The following NFIC variants were observed in gnomAD, a reference collection of about 807,000 sequenced individuals.
The protein encoded by NFIC is nuclear factor I C.
Under a neutral mutation model 54.4 loss-of-function variants are expected in NFIC, and 12 were observed. The ratio of observed to expected loss-of-function variants is 0.22; its 90% CI spans 0.14 to 0.36. The LOEUF (loss-of-function observed/expected upper bound fraction) is 0.36. Among genes scored for constraint, NFIC ranks in the 10% least tolerant of loss-of-function variants. The probability of loss-of-function intolerance (pLI) is 1.00; values close to 1 mark genes in which losing one functional copy is unlikely to be tolerated. For missense variants in NFIC, 575 were observed against 718.2 expected (o/e 0.80, Z 2.28); for synonymous variants, 322 against 319.2 (o/e 1.01, Z -0.09).
At chr19:3,408,934 G>A (rs952677498) in intron 2 of NFIC, among the ~76,000 whole-genome samples, 3 of 152,140 alleles carry the variant, frequency 2.0e-5, no homozygotes, top group Non-Finnish European at 4.4e-5. Context: ...GTCTTGCTAT[G>A]TGGTCCAGGC....
At chr19:3,447,112 A>G (rs1226548446) in intron 6 of NFIC, among the ~76,000 whole-genome samples, 1 of 152,122 alleles carries the variant, frequency 6.6e-6, no homozygotes, top group African/African-American at 2.4e-5. Flanking sequence ...CAGCCTGGCC[A>G]ACATGGTGAA....
chr19:3,393,018 G>T (rs1408502209), intron 2 of NFIC, among the ~76,000 whole-genome samples: 1 of 152,138 alleles, frequency 6.6e-6, no homozygotes. Flanking sequence ...TCGGCTCGCT[G>T]CAACCTCCGC....
chr19:3,455,830 C>G (rs192191464), intron 9 of NFIC, among the ~76,000 whole-genome samples: 1 of 152,286 alleles, frequency 6.6e-6, no homozygotes, highest in East Asian at 1.9e-4. Flanking sequence ...TTAATAAATG[C>G]AGGATAGGCA....
Position 3,463,515 on chromosome 19 carries a change from A to G in NFIC, c.*746A>G. 3.1e-6 allele frequency: 3 copies of G among 981,878 alleles called. No homozygotes were observed. The highest frequency in any genetic ancestry group is 3.6e-6 in the Non-Finnish European group (3 of 828,938). 60.8% of individuals were successfully genotyped at this position (981,878 alleles called of 1,614,324 possible). Reference sequence around the variant, plus strand: ...GCCCTGCCTGCCGCGGGGCCTCCCCACAAGCCCCTCCCAAAGCGCCGGCCG... The same window carrying G: ...GCCCTGCCTGCCGCGGGGCCTCCCCGCAAGCCCCTCCCAAAGCGCCGGCCG... On this transcript the variant is annotated 3_prime_UTR_variant, in exon 11 of 11. Coordinates refer to ENST00000443272, the MANE Select transcript of NFIC (RefSeq NM_001245002.2).
intron 3 of NFIC, among the ~76,000 whole-genome samples, chr19:3,433,223 C>CCACAGTGCTGGGAT (rs2082148874): frequency 6.6e-6 from 1 of 152,242 alleles, no homozygotes; most frequent in African/African-American, 2.4e-5. Context: ...CCTCGGCCTC[C>CCACAGTGCTGGGAT]CACAGTGCTG....
Position 3,463,286 on chromosome 19 carries a change from G to A in NFIC, c.*517G>A. ...CCTCTCCCCGGGCCCCCGCGCCTCT[G>A]CCGGACACGGACCGGCCCCTCAGCC... On this transcript the variant is annotated 3_prime_UTR_variant, in exon 11 of 11. Transcript: ENST00000443272. 1 of 989,454 alleles carries A rather than the reference G, an allele frequency of 1.0e-6. No homozygotes were observed. Among genetic ancestry groups the A allele is most frequent in the Non-Finnish European group, 1.2e-6 (1 of 833,016 alleles). 61.3% of individuals were successfully genotyped at this position (989,454 alleles called of 1,614,324 possible). A position where few individuals can be genotyped will look rare whatever the true frequency, so the allele number is the denominator to read the frequency against.
chr19:3,373,320 T>A (rs2081053770), intron 1 of NFIC, among the ~76,000 whole-genome samples: 1 of 152,212 alleles, frequency 6.6e-6, no homozygotes, highest in Non-Finnish European at 1.5e-5. Flanking sequence ...GCTGACTCAC[T>A]GCCTTGGCAG....
chr19:3,364,693 A>T (rs1395649605), upstream of NFIC, among the ~76,000 whole-genome samples: 1 of 152,124 alleles, frequency 6.6e-6, no homozygotes, highest in Non-Finnish European at 1.5e-5. Flanking sequence ...TGCTCTCTAA[A>T]CTTCACCTTC....
At chr19:3,401,683 C>T (rs1211991426) in intron 2 of NFIC, among the ~76,000 whole-genome samples, 3 of 151,988 alleles carry the variant, frequency 2.0e-5, no homozygotes, top group Non-Finnish European at 4.4e-5. Context: ...GGTCCCAGCC[C>T]TAACCCAGGT....
chr19:3,360,036 C>T (rs1003764489), intron 1 of NFIC, among the ~76,000 whole-genome samples: 4 of 149,148 alleles, frequency 2.7e-5, no homozygotes, highest in African/African-American at 4.9e-5. Flanking sequence ...GGCGGGAGGG[C>T]GCGGCCCTGG....
rs767715982 is a variant in NFIC, at chr19:3,435,227, C to T, written c.958+20C>T. ...AAGGAGGTAGGGCTGGTGGCGGGGG[C>T]GGAGCCGGCCTTCCGGTCTGAGTCA... On this transcript the variant is annotated intron_variant, in intron 6 of 10. Transcript: ENST00000443272. 19 of 1,551,952 alleles carry T rather than the reference C, an allele frequency of 1.2e-5. No individual in the cohort carries two copies. The highest frequency in any genetic ancestry group is 1.3e-5 in the Non-Finnish European group (15 of 1,142,222).
At position 3,464,222 on chromosome 19, in the gene NFIC, C is replaced by T. The variant is rs2082684847; in HGVS notation, c.*1453C>T. The T allele has an allele frequency of 1.0e-6, 1 of 985,104 alleles. No individual in the cohort carries two copies. The highest frequency in any genetic ancestry group is 1.2e-6 in the Non-Finnish European group (1 of 829,928). 61.0% of individuals were successfully genotyped at this position (985,104 alleles called of 1,614,324 possible). ...CGGGACGTGCATCACGGCTGGGCCCCCAGAGGAGAGAGGAGGCCGACGCCA... is the reference window on the plus strand; with the variant it reads ...CGGGACGTGCATCACGGCTGGGCCCTCAGAGGAGAGAGGAGGCCGACGCCA... On this transcript the variant is annotated 3_prime_UTR_variant, in exon 11 of 11. Transcript: ENST00000443272.
chr19:3,360,290 C>T (rs1022273850), intron 1 of NFIC, among the ~76,000 whole-genome samples: 6 of 146,264 alleles, frequency 4.1e-5, no homozygotes, highest in Non-Finnish European at 7.6e-5. Flanking sequence ...CGCGCAGGAG[C>T]AGCCGCCCCG....
At chr19:3,428,829 A>AGG (rs1460658254) in intron 3 of NFIC, among the ~76,000 whole-genome samples, 1 of 151,256 alleles carries the variant, frequency 6.6e-6, no homozygotes, top group Admixed American at 6.6e-5. Flanking sequence ...GGGGAGGCGG[A>AGG]GGGGGCGTGC....
In NFIC at chr19:3,459,226, C is replaced by T. The variant is rs138947864; in HGVS notation, c.1509+2591C>T. Reference sequence around the variant, plus strand: ...CCTTTCCCTCTGCCTCTCCGGCTCCCGACACCCCCCAGTCCATGGACTCTC... The same window carrying T: ...CCTTTCCCTCTGCCTCTCCGGCTCCTGACACCCCCCAGTCCATGGACTCTC... On this transcript the variant is annotated intron_variant, in intron 10 of 10. Transcript: ENST00000443272. The surrounding 1 kb of genome is among the most constrained non-coding windows in gnomAD (Gnocchi z 4.2). 0.028 allele frequency among the ~76,000 whole-genome samples: 4,240 copies of T among 150,882 alleles called. 124 individuals carry two copies. The highest frequency in any genetic ancestry group is 0.041 in the Middle Eastern group (12 of 292).
intron 10 of NFIC, among the ~76,000 whole-genome samples, chr19:3,460,741 T>G (rs892851167): frequency 2.0e-5 from 3 of 150,434 alleles, no homozygotes; most frequent in African/African-American, 7.3e-5. Flanking sequence ...CTCGAACCCC[T>G]GACCTCAGGT....
At chr19:3,427,807 C>A (rs2082049057) in intron 3 of NFIC, among the ~76,000 whole-genome samples, 2 of 96,134 alleles carry the variant, frequency 2.1e-5, no homozygotes, top group Non-Finnish European at 3.7e-5. Flanking sequence ...CACAGCGAGA[C>A]TCTGTCAAAA....
chr19:3,359,681 C>A (rs1193872742), exon 1 of NFIC: 1 of 1,424,568 alleles, frequency 7.0e-7, no homozygotes, highest in Non-Finnish European at 9.3e-7. Context: ...CGCAGCAGCG[C>A]CATGGTACGT....
At chr19:3,436,512 G>A (rs1028835943) in intron 6 of NFIC, among the ~76,000 whole-genome samples, 1 of 148,216 alleles carries the variant, frequency 6.7e-6, no homozygotes, top group Non-Finnish European at 1.5e-5. Flanking sequence ...GTCTTGCTCT[G>A]TCACCCAGGC....
Sources: gnomAD v4.1 joint callset for allele counts (sites outside exome capture counted in the v4.1 genomes callset) on GRCh38, gnomAD v4.1.1 for gene constraint, Gnocchi (gnomAD v3.1) non-coding constraint, MANE v1.5 for transcripts, NCBI Gene and HGNC (gene_info 2026-07-23, HGNC 2026-07-21) for gene names.